Variants in NFIC observed in about 807,000 individuals in gnomAD.
The protein encoded by NFIC is nuclear factor 1 C-type.
NFIC carries 12 observed loss-of-function variants against 54.4 expected under a neutral mutation model. The observed-to-expected ratio is 0.22, with a 90% CI of 0.14 to 0.36. The LOEUF (loss-of-function observed/expected upper bound fraction) is 0.36, where lower values mean the gene tolerates loss of function less well. Among genes scored for constraint, NFIC ranks in the 10% least tolerant of loss-of-function variants. NFIC has a pLI of 1.00. For synonymous variants in NFIC, 322 were observed against 319.2 expected (o/e 1.01, Z -0.09); for missense variants, 575 against 718.2 (o/e 0.80, Z 2.28).
chr19:3,443,130 T>G (rs2082318959), intron 6 of NFIC, among the ~76,000 whole-genome samples: 1 of 152,196 alleles, frequency 6.6e-6, no homozygotes, highest in Non-Finnish European at 1.5e-5. Flanking sequence ...AAACCTGTAT[T>G]AATTATGTAG....
At chr19:3,413,541 C>T (rs938174795) in intron 2 of NFIC, among the ~76,000 whole-genome samples, 5 of 151,920 alleles carry the variant, frequency 3.3e-5, no homozygotes, top group South Asian at 2.1e-4. Flanking sequence ...CATATGGGGA[C>T]GGTAATCACG....
At chr19:3,456,727 C>A in intron 10 of NFIC, 92 bp downstream of exon 10, 1 of 1,210,156 alleles carries the variant, frequency 8.3e-7, no homozygotes, top group South Asian at 1.3e-5. Context: ...TGCTGGGTCC[C>A]ACGCCACACC....
At chr19:3,359,810 G>A in intron 1 of NFIC, 3 of 1,062,042 alleles carry the variant, frequency 2.8e-6, no homozygotes, top group Non-Finnish European at 3.7e-6. Flanking sequence ...GGGGCTCGAG[G>A]CGGGGACCCC....
chr19:3,428,695 C>T (rs536567053), intron 3 of NFIC, among the ~76,000 whole-genome samples: 14 of 152,096 alleles, frequency 9.2e-5, no homozygotes, highest in Non-Finnish European at 1.9e-4. Flanking sequence ...GGGGCAGCGG[C>T]GCTTGGCCTG....
intron 10 of NFIC, among the ~76,000 whole-genome samples, chr19:3,461,614 T>G (rs747150072): frequency 2.0e-5 from 3 of 151,426 alleles, no homozygotes; most frequent in Non-Finnish European, 2.9e-5. Flanking sequence ...TCCCAGCTAC[T>G]TGGGAGGCTA....
chr19:3,368,227 T>C (rs2080932350), intron 1 of NFIC, among the ~76,000 whole-genome samples: 1 of 152,074 alleles, frequency 6.6e-6, no homozygotes, highest in Admixed American at 6.5e-5. Context: ...AAGGAGCCAT[T>C]TGGGAGGGCT....
rs2080986006 is a variant in NFIC, at chr19:3,370,614, TTCTCTCCC to T, written c.30+3956_30+3963del. Among the ~76,000 whole-genome samples, 1 of 149,222 alleles carries T rather than the reference TTCTCTCCC, an allele frequency of 6.7e-6. No individual in the cohort carries two copies. Among genetic ancestry groups the T allele is most frequent in the South Asian group, 2.1e-4 (1 of 4,668 alleles). ...CTTTCTCTCTCTCTCCCCGTCTCCC[TTCTCTCCC>T]TCTCTCCTTCTCTCTTCTCTCTCTC... On this transcript the variant is annotated intron_variant, in intron 1 of 10. Transcript: ENST00000443272. The surrounding 1 kb of genome is among the most constrained non-coding windows in gnomAD (Gnocchi z 5.2).
At chr19:3,443,436 GAAAAA>G (rs1201716057) in intron 6 of NFIC, among the ~76,000 whole-genome samples, 1 of 150,846 alleles carries the variant, frequency 6.6e-6, no homozygotes, top group African/African-American at 2.4e-5. Context: ...AAAAAAAAAA[GAAAAA>G]GAAAAAAGTC....
Position 3,467,217 on chromosome 19 carries a change from C to CT in NFIC, c.*4448_*4449insT, listed in dbSNP as rs2082728367. ...GGACACCACACCTATGCCAGGCCCC[C>CT]CCCCCCACCCCAGTCTCATTCTGGG... On this transcript the variant is annotated 3_prime_UTR_variant, in exon 11 of 11. Coordinates refer to ENST00000443272, the MANE Select transcript of NFIC (RefSeq NM_001245002.2). 1 of 124,534 alleles carries CT rather than the reference C, an allele frequency of 8.0e-6. No individual in the cohort carries two copies. Among genetic ancestry groups the CT allele is most frequent in the Admixed American group, 7.9e-5 (1 of 12,626 alleles). The allele number at this position is 124,534 out of a possible 1,614,324, so 7.7% of individuals were successfully genotyped here. A position where few individuals can be genotyped will look rare whatever the true frequency, so the allele number is the denominator to read the frequency against.
chr19:3,376,383 C>T (rs2145453947), intron 1 of NFIC, among the ~76,000 whole-genome samples: 2 of 117,950 alleles, frequency 1.7e-5, no homozygotes, highest in East Asian at 2.8e-4. Flanking sequence ...GAGCTGAGAT[C>T]ATGCCACCGC....
At chr19:3,365,953 C>T (rs1001072263), upstream of NFIC, among the ~76,000 whole-genome samples, 2 of 152,182 alleles carry the variant, frequency 1.3e-5, no homozygotes, top group African/African-American at 4.8e-5. Context: ...GTGGGACCAG[C>T]TCACCGTGCA....
At chr19:3,367,038 A>G (rs2080903328) in intron 1 of NFIC, among the ~76,000 whole-genome samples, 1 of 146,686 alleles carries the variant, frequency 6.8e-6, no homozygotes, top group South Asian at 2.2e-4. Flanking sequence ...GCCCCCCTCC[A>G]GCAAGGGCTC....
At chr19:3,430,730 G>A (rs865825117) in intron 3 of NFIC, among the ~76,000 whole-genome samples, 1 of 151,708 alleles carries the variant, frequency 6.6e-6, no homozygotes. Flanking sequence ...TCAGGAGTTC[G>A]AGACCAGCCG....
At position 3,373,664 on chromosome 19, in the gene NFIC, G is replaced by A. The variant is rs569372810; in HGVS notation, c.30+6998G>A. On this transcript the variant is annotated intron_variant, in intron 1 of 10. Transcript: ENST00000443272. Reference sequence around the variant, plus strand: ...CACCCCCCACCCCAGAGATTCTCTGGTCCCTCAAACTCTTAAATTTCTTCA... The same window carrying A: ...CACCCCCCACCCCAGAGATTCTCTGATCCCTCAAACTCTTAAATTTCTTCA... 7.7e-4 allele frequency among the ~76,000 whole-genome samples: 97 copies of A among 126,592 alleles called. 1 individual carries two copies. The highest frequency in any genetic ancestry group is 6.9e-4 in the Non-Finnish European group (44 of 64,194). The allele number at this position is 126,592 out of a possible 152,430, so 83.0% of individuals were successfully genotyped here. A position where few individuals can be genotyped will look rare whatever the true frequency, so the allele number is the denominator to read the frequency against.
chr19:3,374,159 C>T (rs1404748685), intron 1 of NFIC, among the ~76,000 whole-genome samples: 1 of 152,116 alleles, frequency 6.6e-6, no homozygotes, highest in East Asian at 1.9e-4. Flanking sequence ...GTTTCTTGTC[C>T]TGGTTTGCTG....
intron 7 of NFIC, among the ~76,000 whole-genome samples, chr19:3,451,985 C>T (rs1012863673): frequency 4.6e-5 from 7 of 151,384 alleles, no homozygotes; most frequent in South Asian, 2.1e-4. Context: ...GGCATGGCGG[C>T]GTGCACTTGT....
chr19:3,387,157 G>A (rs983727804), intron 2 of NFIC, among the ~76,000 whole-genome samples: 1 of 152,216 alleles, frequency 6.6e-6, no homozygotes, highest in Non-Finnish European at 1.5e-5. Context: ...GGATGGCGGT[G>A]GAGGGGCACC....
chr19:3,392,468 G>A (rs1004752698), intron 2 of NFIC, among the ~76,000 whole-genome samples: 14 of 152,226 alleles, frequency 9.2e-5, no homozygotes, highest in Admixed American at 2.6e-4. Flanking sequence ...CCACCACCCC[G>A]CAGACGCCCC....
chr19:3,363,689 C>T (rs2080847731), upstream of NFIC, among the ~76,000 whole-genome samples: 2 of 152,184 alleles, frequency 1.3e-5, no homozygotes, highest in Non-Finnish European at 2.9e-5. Flanking sequence ...CTTGAATTTC[C>T]TTGCTGGGTC....
Sources: gnomAD v4.1 joint callset for allele counts (sites outside exome capture counted in the v4.1 genomes callset) on GRCh38, gnomAD v4.1.1 for gene constraint, Gnocchi (gnomAD v3.1) non-coding constraint, MANE v1.5 for transcripts, NCBI Gene and HGNC (gene_info 2026-07-23, HGNC 2026-07-21) for gene names.